The following MAP2K5 variants were observed in gnomAD, a reference collection of about 807,000 sequenced individuals.
MAP2K5 encodes mitogen-activated protein kinase kinase 5.
MAP2K5 carries 49 observed loss-of-function variants against 83.1 expected under a neutral mutation model. The ratio of observed to expected loss-of-function variants is 0.59; its 90% CI spans 0.47 to 0.75. MAP2K5 has a LOEUF of 0.75. Among genes scored for constraint, MAP2K5 ranks in the 30% least tolerant of loss-of-function variants. The pLI is 0.00. For synonymous variants in MAP2K5, 202 were observed against 191.8 expected (o/e 1.05, Z -0.44); for missense variants, 457 against 557.5 (o/e 0.82, Z 1.82).
intron 15 of MAP2K5, among the ~76,000 whole-genome samples, chr15:67,696,475 C>G (rs1450042644): frequency 6.6e-6 from 1 of 152,128 alleles, no homozygotes. Context: ...AGTTTGCCAG[C>G]CCCTGATCTA....
intron 13 of MAP2K5, among the ~76,000 whole-genome samples, chr15:67,687,848 C>T (rs1004431278): frequency 6.6e-6 from 1 of 151,734 alleles, no homozygotes; most frequent in Non-Finnish European, 1.5e-5. Flanking sequence ...CAAAACAGAC[C>T]AAGTATGCAT....
At chr15:67,569,019 ACAAAAAAAAAAAAC>A (rs1007963804) in intron 3 of MAP2K5, among the ~76,000 whole-genome samples, 1 of 132,316 alleles carries the variant, frequency 7.6e-6, no homozygotes, top group African/African-American at 2.8e-5. Context: ...AAAAAAAAAA[ACAAAAAAAAAAAAC>A]AAAACTCTGT....
At chr15:67,594,026 C>A (rs2085471809) in intron 7 of MAP2K5, among the ~76,000 whole-genome samples, 1 of 152,144 alleles carries the variant, frequency 6.6e-6, no homozygotes, top group Non-Finnish European at 1.5e-5. Context: ...CTTCTGGAGG[C>A]CTTGCTTATT....
In MAP2K5 at chr15:67,690,047, C is replaced by G. The variant is rs2088064453; in HGVS notation, c.848-2432C>G. ...TGCCATTTTTTTTAAATCTCTTCAG[C>G]TATTGTTAGTGTATTTTATATGTGG... On this transcript the variant is annotated intron_variant, in intron 13 of 21. Coordinates refer to ENST00000178640, the MANE Select transcript of MAP2K5 (RefSeq NM_145160.3). This position sits in a 1 kb window ranked among gnomAD's most constrained non-coding sequence, Gnocchi z 4.3. Among the ~76,000 whole-genome samples the G allele has an allele frequency of 6.6e-6, 1 of 152,058 alleles. No individual in the cohort carries two copies. Among genetic ancestry groups the G allele is most frequent in the Non-Finnish European group, 1.5e-5 (1 of 68,012 alleles).
intron 13 of MAP2K5, among the ~76,000 whole-genome samples, chr15:67,679,394 GA>G (rs553791312): frequency 3.5e-4 from 53 of 152,144 alleles, no homozygotes; most frequent in South Asian, 6.2e-4. Flanking sequence ...TCAGTGGGGG[GA>G]AAAAATCAGT....
In MAP2K5 at chr15:67,630,890, C is replaced by G. The variant is rs1217339126; in HGVS notation, c.548C>G (p.Ala183Gly). 6.2e-7 allele frequency: 1 copy of G among 1,608,584 alleles called. No individual in the cohort carries two copies. Among genetic ancestry groups the G allele is most frequent in the East Asian group, 2.2e-5 (1 of 44,790 alleles). Residue 183 changes from alanine to glycine, a missense_variant and splice_region_variant, in exon 9 of 22, where the codon GCA becomes GGA. Ala to Gly is a moderately conservative substitution (Grantham distance 60). Around this residue, in one of 3 missense-constraint regions of MAP2K5, gnomAD observed 234 missense variants for 243.6 expected, o/e 0.96. Coordinates refer to ENST00000178640, the MANE Select transcript of MAP2K5 (RefSeq NM_145160.3). ...TTTGTTTTTTTTTCTTCCCATAGAG[C>G]ATATCATGTCCCGAGTGGGAAAATA... The part of the protein sequence containing the change: ...GHGNGGTVYK[A>G]YHVPSGKILA...
At chr15:67,771,698 T>A (rs2090145095) in intron 20 of MAP2K5, among the ~76,000 whole-genome samples, 1 of 152,230 alleles carries the variant, frequency 6.6e-6, no homozygotes, top group Admixed American at 6.5e-5. Context: ...GCAAATGTCC[T>A]CGATGTCATT....
chr15:67,610,481 G>C (rs1243500661), intron 8 of MAP2K5, among the ~76,000 whole-genome samples: 1 of 152,092 alleles, frequency 6.6e-6, no homozygotes, highest in East Asian at 1.9e-4. Context: ...TAGTCTCTTG[G>C]TTGGCATATT....
chr15:67,678,394 G>T (rs1022930999), intron 13 of MAP2K5, among the ~76,000 whole-genome samples: 2 of 152,112 alleles, frequency 1.3e-5, no homozygotes, highest in Admixed American at 6.5e-5. Flanking sequence ...TGCCTCCATT[G>T]TCATCCCACA....
At chr15:67,662,392 G>A (rs762959964) in intron 12 of MAP2K5, among the ~76,000 whole-genome samples, 4 of 152,026 alleles carry the variant, frequency 2.6e-5, no homozygotes, top group Admixed American at 6.6e-5. Flanking sequence ...CTTCTCATGG[G>A]TAATGATAGG....
At chr15:67,703,737 A>T (rs1195906018) in intron 16 of MAP2K5, among the ~76,000 whole-genome samples, 2 of 152,222 alleles carry the variant, frequency 1.3e-5, no homozygotes, top group African/African-American at 4.8e-5. Flanking sequence ...GGTGATTCTT[A>T]TACATACTAA....
At chr15:67,579,613 T>C (rs1382691868) in intron 3 of MAP2K5, among the ~76,000 whole-genome samples, 1 of 152,178 alleles carries the variant, frequency 6.6e-6, no homozygotes, top group Non-Finnish European at 1.5e-5. Context: ...ACTTTATTTG[T>C]TATTAGTGCG....
At chr15:67,680,334 C>G (rs908714290) in intron 13 of MAP2K5, among the ~76,000 whole-genome samples, 5 of 152,034 alleles carry the variant, frequency 3.3e-5, no homozygotes, top group African/African-American at 1.2e-4. Flanking sequence ...GAGTAAATAC[C>G]TAGGAGTGGA....
chr15:67,759,493 G>A (rs1301743995), intron 19 of MAP2K5, among the ~76,000 whole-genome samples: 2 of 151,376 alleles, frequency 1.3e-5, no homozygotes, highest in African/African-American at 4.9e-5. Flanking sequence ...CTGGGAGGTG[G>A]AGGTTCCGGT....
At position 67,746,025 on chromosome 15, in the gene MAP2K5, T is replaced by TA. The variant is rs914130719; in HGVS notation, c.1075-2199dup. On this transcript the variant is annotated intron_variant, in intron 17 of 21. Transcript: ENST00000178640. The surrounding 1 kb of genome is among the most constrained non-coding windows in gnomAD (Gnocchi z 4.1). ...GCAAAACAGTATAGTTATAAGATTA[T>TA]AAAAAAAGACTTTGATATTGCTGTT... 1.3e-5 allele frequency among the ~76,000 whole-genome samples: 2 copies of TA among 152,152 alleles called. No homozygotes were observed. Among genetic ancestry groups the TA allele is most frequent in the African/African-American group, 4.8e-5 (2 of 41,426 alleles).
At chr15:67,712,515 T>A (rs2088715114) in intron 16 of MAP2K5, among the ~76,000 whole-genome samples, 1 of 152,166 alleles carries the variant, frequency 6.6e-6, no homozygotes, top group Non-Finnish European at 1.5e-5. Flanking sequence ...AAACTACCAG[T>A]TGTATCCTCA....
intron 8 of MAP2K5, among the ~76,000 whole-genome samples, chr15:67,617,392 A>G (rs2086078150): frequency 6.6e-6 from 1 of 152,198 alleles, no homozygotes; most frequent in Non-Finnish European, 1.5e-5. Flanking sequence ...TAGAAAATAG[A>G]TGCCTACTTT....
At chr15:67,602,473 C>T (rs2085680705) in intron 8 of MAP2K5, among the ~76,000 whole-genome samples, 1 of 152,134 alleles carries the variant, frequency 6.6e-6, no homozygotes, top group Non-Finnish European at 1.5e-5. Context: ...ACCTACTTAT[C>T]TGTGTTATTT....
At chr15:67,645,042 G>A (rs915613429) in intron 9 of MAP2K5, among the ~76,000 whole-genome samples, 3 of 151,996 alleles carry the variant, frequency 2.0e-5, no homozygotes, top group African/African-American at 7.3e-5. Context: ...CAGCTACTCA[G>A]GAGGCTGAGA....
Sources: gnomAD v4.1 joint callset for allele counts (sites outside exome capture counted in the v4.1 genomes callset) on GRCh38, gnomAD v4.1.1 for gene constraint, gnomAD v4.1.1 regional missense constraint, Gnocchi (gnomAD v3.1) non-coding constraint, MANE v1.5 for transcripts, NCBI Gene and HGNC (gene_info 2026-07-23, HGNC 2026-07-21) for gene names.